The following SIPA1L1 variants were observed in gnomAD, a reference collection of about 807,000 sequenced individuals.
SIPA1L1 encodes signal-induced proliferation-associated 1-like protein 1.
SIPA1L1 carries 26 observed loss-of-function variants against 162.7 expected under a neutral mutation model. The ratio of observed to expected loss-of-function variants is 0.16; its 90% confidence interval spans 0.12 to 0.22. SIPA1L1 has a LOEUF of 0.22. SIPA1L1 is among the 10% of genes least tolerant of loss of function. SIPA1L1 has a pLI of 1.00. For synonymous variants in SIPA1L1, 829 were observed against 837.4 expected (o/e 0.99, Z 0.17); for missense variants, 1,874 against 2,241.0 (o/e 0.84, Z 3.31).
At chr14:71,579,425 G>C (rs1488772395) in intron 4 of SIPA1L1, among the ~76,000 whole-genome samples, 1 of 152,094 alleles carries the variant, frequency 6.6e-6, no homozygotes, top group African/African-American at 2.4e-5. Context: ...GTTGTTCAAG[G>C]GTCAGCTGTA....
chr14:71,693,884 A>G (rs918437270), intron 13 of SIPA1L1, among the ~76,000 whole-genome samples: 19 of 152,148 alleles, frequency 1.2e-4, no homozygotes. Flanking sequence ...TTTGTCCATC[A>G]CTGCTGCTGT....
At chr14:71,687,329 C>A (rs1004183969) in intron 13 of SIPA1L1, among the ~76,000 whole-genome samples, 1 of 152,158 alleles carries the variant, frequency 6.6e-6, no homozygotes, top group African/African-American at 2.4e-5. Context: ...TTTTTTGACA[C>A]ATTCCAGACT....
At chr14:71,392,538 C>CT (rs956364871) in intron 2 of SIPA1L1, among the ~76,000 whole-genome samples, 164 of 150,080 alleles carry the variant, frequency 1.1e-3, no homozygotes, top group African/African-American at 3.8e-3. Flanking sequence ...ACTATTGAAA[C>CT]TTTTTTTTTT....
chr14:71,725,332 C>T (rs763894424), intron 19 of SIPA1L1, among the ~76,000 whole-genome samples: 2 of 152,196 alleles, frequency 1.3e-5, no homozygotes, highest in Admixed American at 6.5e-5. Context: ...GATAGACAGT[C>T]GCTCTCATTG....
At chr14:71,610,649 T>C (rs1261863882) in intron 5 of SIPA1L1, among the ~76,000 whole-genome samples, 2 of 152,146 alleles carry the variant, frequency 1.3e-5, no homozygotes, top group African/African-American at 4.8e-5. Flanking sequence ...TTAAAAATAA[T>C]TTTTTTATGT....
chr14:71,457,757 A>G (rs1446248574), intron 2 of SIPA1L1, among the ~76,000 whole-genome samples: 1 of 150,992 alleles, frequency 6.6e-6, no homozygotes, highest in Admixed American at 6.6e-5. Context: ...ACCACACCCA[A>G]CTAATTTTTT....
intron 2 of SIPA1L1, among the ~76,000 whole-genome samples, chr14:71,358,157 C>T (rs548109160): frequency 7.2e-5 from 11 of 152,078 alleles, no homozygotes; most frequent in East Asian, 3.9e-4. Context: ...CCACTGTGCC[C>T]GGCCAACACT....
At chr14:71,727,395 G>A (rs1466011474) in intron 19 of SIPA1L1, among the ~76,000 whole-genome samples, 1 of 151,574 alleles carries the variant, frequency 6.6e-6, no homozygotes, top group East Asian at 1.9e-4. Context: ...GAGGACCAGA[G>A]GAGATCAGTG....
In SIPA1L1 at chr14:71,457,817, G is replaced by A. The variant is rs555426821; in HGVS notation, c.-464-54926G>A. ...TCACCATGTTGCTCAGGCTGGTCTC[G>A]AACTCCTGACCTCAGGTGGTCTGCC... On this transcript the variant is annotated intron_variant, in intron 2 of 23. Transcript: ENST00000381232. 3.4e-4 allele frequency among the ~76,000 whole-genome samples: 52 copies of A among 151,068 alleles called. 1 individual carries two copies. The highest frequency in any genetic ancestry group is 1.7e-3 in the South Asian group (8 of 4,784).
chr14:71,635,527 G>A (rs746797531), intron 7 of SIPA1L1, among the ~76,000 whole-genome samples: 6 of 152,114 alleles, frequency 3.9e-5, no homozygotes, highest in Non-Finnish European at 7.4e-5. Flanking sequence ...GCTTCAATTG[G>A]TAAAACGGTG....
intron 2 of SIPA1L1, among the ~76,000 whole-genome samples, chr14:71,408,651 T>C (rs1365558064): frequency 6.6e-6 from 1 of 152,194 alleles, no homozygotes; most frequent in African/African-American, 2.4e-5. Flanking sequence ...CAGGAAGATT[T>C]TTTTCCCCCC....
Position 71,587,825 on chromosome 14 carries a change from A to G in SIPA1L1, c.-48A>G. The G allele has an allele frequency of 6.5e-7, 1 of 1,541,182 alleles. No homozygotes were observed. The highest frequency in any genetic ancestry group is 8.8e-7 in the Non-Finnish European group (1 of 1,133,388). Reference sequence around the variant, plus strand: ...AGGGAAGTGCACATTTAAAACACAGATATGATGGTCCTTGCTGCAGGGATT... The same window carrying G: ...AGGGAAGTGCACATTTAAAACACAGGTATGATGGTCCTTGCTGCAGGGATT... On this transcript the variant is annotated 5_prime_UTR_variant, in exon 5 of 24. Transcript: ENST00000381232.
intron 4 of SIPA1L1, among the ~76,000 whole-genome samples, chr14:71,542,906 TTC>T (rs1361796603): frequency 6.6e-6 from 1 of 152,026 alleles, no homozygotes; most frequent in Non-Finnish European, 1.5e-5. Context: ...CTGTGTTCTA[TTC>T]TTAACTTTGT....
At chr14:71,679,853 T>TA (rs2045619420) in intron 12 of SIPA1L1, among the ~76,000 whole-genome samples, 1 of 152,118 alleles carries the variant, frequency 6.6e-6, no homozygotes, top group African/African-American at 2.4e-5. Flanking sequence ...TACATAATGG[T>TA]AAAGGGATCA....
chr14:71,426,758 C>T (rs1284513346), intron 2 of SIPA1L1, among the ~76,000 whole-genome samples: 1 of 152,168 alleles, frequency 6.6e-6, no homozygotes, highest in Admixed American at 6.6e-5. Context: ...TCCCAAAGTG[C>T]TGGGATTACA....
chr14:71,599,502 G>GTGTATACA (rs2036481897), intron 5 of SIPA1L1, among the ~76,000 whole-genome samples: 1 of 132,064 alleles, frequency 7.6e-6, no homozygotes. Flanking sequence ...ATGTTCTGTT[G>GTGTATACA]TGTATACATA....
intron 2 of SIPA1L1, among the ~76,000 whole-genome samples, chr14:71,395,181 CA>C (rs2041084066): frequency 6.6e-6 from 1 of 152,094 alleles, no homozygotes; most frequent in Admixed American, 6.5e-5. Flanking sequence ...GATGTAATAA[CA>C]GAGAAAAATA....
chr14:71,478,326 T>A (rs1436153069), intron 2 of SIPA1L1, among the ~76,000 whole-genome samples: 1 of 152,182 alleles, frequency 6.6e-6, no homozygotes, highest in Non-Finnish European at 1.5e-5. Flanking sequence ...ATACCTTATT[T>A]TTTCATTTGC....
chr14:71,450,097 A>G (rs1424940071), intron 2 of SIPA1L1, among the ~76,000 whole-genome samples: 1 of 152,166 alleles, frequency 6.6e-6, no homozygotes, highest in Non-Finnish European at 1.5e-5. Context: ...CCAGAGATAT[A>G]TGTAATATTT....
Sources: allele counts gnomAD v4.1 joint callset (sites outside exome capture counted in the v4.1 genomes callset), GRCh38; gene constraint gnomAD v4.1.1; transcripts MANE v1.5; gene names NCBI Gene and HGNC (gene_info 2026-07-23, HGNC 2026-07-21).